PCDHA11: variants seen among roughly 807,000 people sequenced by gnomAD.
The protein encoded by PCDHA11 is protocadherin alpha-11.
A neutral mutation model predicts 70.3 loss-of-function variants in PCDHA11; 61 were observed. The observed-to-expected ratio is 0.87, with a 90% CI of 0.71 to 1.07. The LOEUF (loss-of-function observed/expected upper bound fraction) is 1.07. Among genes scored for constraint, PCDHA11 ranks in the 50% least tolerant of loss-of-function variants. PCDHA11 has a pLI of 0.00. For missense variants in PCDHA11, 1,324 were observed against 1,237.5 expected, an observed-to-expected ratio of 1.07 and a Z score of -1.05; for synonymous variants, 633 against 555.1, an observed-to-expected ratio of 1.14 and a Z score of -1.97.
chr5:140,972,733 G>A (rs1037610917), intron 1 of PCDHA11, among the ~76,000 whole-genome samples: 7 of 147,652 alleles, frequency 4.7e-5, no homozygotes, highest in Non-Finnish European at 7.4e-5. Context: ...GCGTAATCCC[G>A]GCTCACTGCA....
At chr5:140,875,951 C>T in intron 1 of PCDHA11, 1 of 1,614,116 alleles carries the variant, frequency 6.2e-7, no homozygotes, top group South Asian at 1.1e-5. Context: ...GCTTCTGATG[C>T]GGATATCGGC....
chr5:141,000,136 G>A (rs2097893947), intron 3 of PCDHA11, among the ~76,000 whole-genome samples: 2 of 152,034 alleles, frequency 1.3e-5, no homozygotes, highest in South Asian at 4.1e-4. Flanking sequence ...TTCACAAGAA[G>A]TAAACAAAAC....
At chr5:140,899,255 C>A (rs532751288) in intron 1 of PCDHA11, among the ~76,000 whole-genome samples, 1 of 152,258 alleles carries the variant, frequency 6.6e-6, no homozygotes, top group East Asian at 1.9e-4. Flanking sequence ...GAGAGGGCAT[C>A]CCTGTCTTGT....
chr5:140,884,766 T>G, intron 1 of PCDHA11: 1 of 1,416,492 alleles, frequency 7.1e-7, no homozygotes, highest in Non-Finnish European at 9.3e-7. Context: ...TTCTTTACTT[T>G]AATTTTAATT....
At chr5:140,961,864 AG>A (rs2095638942) in intron 1 of PCDHA11, among the ~76,000 whole-genome samples, 3 of 151,832 alleles carry the variant, frequency 2.0e-5, no homozygotes, top group Non-Finnish European at 2.9e-5. Context: ...ATCTGGCCAC[AG>A]ATAATTGACT....
intron 1 of PCDHA11, among the ~76,000 whole-genome samples, chr5:140,953,720 G>C (rs2094928996): frequency 6.6e-6 from 1 of 152,068 alleles, no homozygotes; most frequent in African/African-American, 2.4e-5. Flanking sequence ...CAGACATTGT[G>C]TTTTGAAATT....
intron 1 of PCDHA11, chr5:140,927,991 G>T: frequency 6.2e-7 from 1 of 1,614,202 alleles, no homozygotes; most frequent in Non-Finnish European, 8.5e-7. Flanking sequence ...TGTAAAGGAT[G>T]AAGACCTCGA....
At chr5:140,992,820 TG>T (rs1554253214) in intron 3 of PCDHA11, among the ~76,000 whole-genome samples, 1 of 152,164 alleles carries the variant, frequency 6.6e-6, no homozygotes, top group Non-Finnish European at 1.5e-5. Flanking sequence ...AGGATGTGTT[TG>T]TTTTTTGGGA....
chr5:140,882,877 G>A, intron 1 of PCDHA11: 1 of 1,614,208 alleles, frequency 6.2e-7, no homozygotes, highest in Non-Finnish European at 8.5e-7. Context: ...TGGACAGAGA[G>A]GAAATTCAGG....
At chr5:140,982,312 T>C in intron 2 of PCDHA11, 163 bp from the exon 3 acceptor site, 1 of 1,315,948 alleles carries the variant, frequency 7.6e-7, no homozygotes, top group Non-Finnish European at 1.0e-6. Context: ...TTCTGCAGTT[T>C]ATGCAGGGTG....
rs782226363 is a variant in PCDHA11 at position 140,869,778 on chromosome 5, C to T, written c.675C>T (p.Thr225=). 65 of 1,612,804 alleles carry T rather than the reference C, an allele frequency of 4.0e-5. No homozygotes were observed. Among genetic ancestry groups the T allele is most frequent in the Admixed American group, 5.0e-5 (3 of 59,886 alleles). The stretch of plus-strand genomic sequence containing the variant: ...GGGGAAAACCAGAGCTTACTGGCAC[C>T]GTTCGGCTGTTAGTCCAAGTCTTGG... ...TDGGKPELTG[T]VRLLVQVLDV... Residue 225 remains threonine, a synonymous_variant, in exon 1 of 4, where the codon ACC becomes ACT. Coordinates refer to ENST00000398640, the MANE Select transcript of PCDHA11 (RefSeq NM_018902.5).
intron 1 of PCDHA11, among the ~76,000 whole-genome samples, chr5:140,952,513 A>G (rs533436826): frequency 6.6e-6 from 1 of 152,028 alleles, no homozygotes; most frequent in Non-Finnish European, 1.5e-5. Flanking sequence ...CCTCATCTCC[A>G]TCTGAGACCT....
chr5:140,908,208 C>A (rs1477430085), intron 1 of PCDHA11, among the ~76,000 whole-genome samples: 8 of 152,136 alleles, frequency 5.3e-5, no homozygotes, highest in Non-Finnish European at 1.0e-4. Context: ...TCATGCAGAA[C>A]CATCTGTGAA....
At chr5:140,942,544 G>A (rs546340510) in intron 1 of PCDHA11, among the ~76,000 whole-genome samples, 105 of 152,118 alleles carry the variant, frequency 6.9e-4, no homozygotes, top group African/African-American at 2.5e-3. Flanking sequence ...TATGGTGGGG[G>A]GTAGGGGGTT....
intron 1 of PCDHA11, among the ~76,000 whole-genome samples, chr5:140,965,456 G>A (rs2095902676): frequency 6.6e-6 from 1 of 151,710 alleles, no homozygotes; most frequent in Admixed American, 6.6e-5. Context: ...GTTATTGTAA[G>A]ATAAATCCCA....
At chr5:140,899,200 T>G (rs1554188457) in intron 1 of PCDHA11, among the ~76,000 whole-genome samples, 2 of 151,512 alleles carry the variant, frequency 1.3e-5, no homozygotes, top group Admixed American at 1.3e-4. Context: ...CCTGCCTAAT[T>G]GCCCTGGCCA....
At position 140,870,778 on chromosome 5, in the gene PCDHA11, G is replaced by GACA. The variant is rs2052395482; in HGVS notation, c.1678_1680dup (p.Asn560dup). The GACA allele has an allele frequency of 6.2e-7, 1 of 1,613,502 alleles. No individual in the cohort carries two copies. The highest frequency in any genetic ancestry group is 8.5e-7 in the Non-Finnish European group (1 of 1,179,892). ...GCAGGTGTTCGTGCTGGACGAGAAC[G>GACA]ACAACGCGCCGGCACTGCTGGCGAC... is the stretch of plus-strand genomic sequence containing the variant. On this transcript the variant is annotated inframe_insertion, in exon 1 of 4. Coordinates refer to ENST00000398640, the MANE Select transcript of PCDHA11 (RefSeq NM_018902.5).
chr5:140,986,280 C>T (rs2097193236), intron 3 of PCDHA11, among the ~76,000 whole-genome samples: 1 of 152,116 alleles, frequency 6.6e-6, no homozygotes, highest in African/African-American at 2.4e-5. Flanking sequence ...TTTCAGCTTC[C>T]CTTGAGACTG....
chr5:140,892,993 C>T (rs2063771968), intron 1 of PCDHA11, among the ~76,000 whole-genome samples: 1 of 152,170 alleles, frequency 6.6e-6, no homozygotes, highest in Non-Finnish European at 1.5e-5. Flanking sequence ...TAAGTGAGAA[C>T]ATGTATTTAT....
Sources: gnomAD v4.1 joint callset for allele counts (sites outside exome capture counted in the v4.1 genomes callset) on GRCh38, gnomAD v4.1.1 for gene constraint, MANE v1.5 for transcripts, NCBI Gene and HGNC (gene_info 2026-07-23, HGNC 2026-07-21) for gene names.